PLA2G4E: variants seen among roughly 807,000 people sequenced by gnomAD.
PLA2G4E encodes cytosolic phospholipase A2 epsilon.
Under a neutral mutation model 109.1 loss-of-function variants are expected in PLA2G4E, and 84 were observed. The ratio of observed to expected loss-of-function variants is 0.77; its 90% confidence interval spans 0.65 to 0.92. The LOEUF (loss-of-function observed/expected upper bound fraction) is 0.92, where lower values mean the gene tolerates loss of function less well. Among genes scored for constraint, PLA2G4E ranks in the 40% least tolerant of loss-of-function variants. The pLI is 0.00. For missense variants in PLA2G4E, 1,057 were observed against 1,076.6 expected, an observed-to-expected ratio of 0.98 and a Z score of 0.25; for synonymous variants, 469 against 436.1, an observed-to-expected ratio of 1.08 and a Z score of -0.94.
chr15:42,035,046 C>T (rs1006673173), intron 1 of PLA2G4E, among the ~76,000 whole-genome samples: 3 of 152,166 alleles, frequency 2.0e-5, no homozygotes, highest in African/African-American at 7.2e-5. Flanking sequence ...TTTCACTGTC[C>T]CCTGAACTGA....
intron 1 of PLA2G4E, among the ~76,000 whole-genome samples, chr15:42,049,733 G>A (rs1157695419): frequency 2.6e-5 from 4 of 152,152 alleles, no homozygotes; most frequent in Non-Finnish European, 5.9e-5. Context: ...CTGGCAGGAG[G>A]AAGCGAGGCT....
At chr15:42,044,352 T>G (rs1038940054) in intron 1 of PLA2G4E, among the ~76,000 whole-genome samples, 1 of 151,872 alleles carries the variant, frequency 6.6e-6, no homozygotes, top group Admixed American at 6.6e-5. Context: ...TCCCCCAGGC[T>G]GAAGGTACAG....
chr15:42,049,009 G>A lies in PLA2G4E; in HGVS notation c.183+1512C>T, dbSNP rs114295295. 1.5e-3 allele frequency among the ~76,000 whole-genome samples: 235 copies of A among 152,318 alleles called. 1 individual carries two copies. Among genetic ancestry groups the A allele is most frequent in the African/African-American group, 5.4e-3 (225 of 41,570 alleles). ...AGCAAGACAGCAGGGGAGACAGCTC[G>A]CCCCAGTTCCCATCCCCCTCCAGCG... On this transcript the variant is annotated intron_variant, in intron 1 of 19. Coordinates refer to ENST00000399518, the Ensembl canonical transcript of PLA2G4E.
At chr15:42,021,471 C>A (rs1285560467) in intron 1 of PLA2G4E, among the ~76,000 whole-genome samples, 1 of 151,524 alleles carries the variant, frequency 6.6e-6, no homozygotes, top group East Asian at 2.0e-4. Flanking sequence ...CTTGGTACCC[C>A]AGGAGCTGTG....
chr15:42,010,014 T>C (rs1401463741), intron 2 of PLA2G4E: 3 of 417,052 alleles, frequency 7.2e-6, no homozygotes, highest in East Asian at 1.3e-4. Flanking sequence ...CAGGTACAGA[T>C]ACATCACTGC....
intron 1 of PLA2G4E, among the ~76,000 whole-genome samples, chr15:42,043,776 T>TCACTTTCCTCATCTGTA (rs1267839081): frequency 1.3e-5 from 2 of 152,170 alleles, no homozygotes; most frequent in African/African-American, 4.8e-5. Flanking sequence ...AACTCACTGT[T>TCACTTTCCTCATCTGTA]CACTTTCCTC....
chr15:42,046,435 C>A (rs1055102693), intron 1 of PLA2G4E, among the ~76,000 whole-genome samples: 8 of 152,204 alleles, frequency 5.3e-5, no homozygotes, highest in African/African-American at 1.9e-4. Context: ...AAAAGGTCAA[C>A]CTTGTGTCCA....
At chr15:41,986,090 G>C in intron 17 of PLA2G4E, 85 bp from the exon 18 acceptor site, 2 of 1,416,122 alleles carry the variant, frequency 1.4e-6, no homozygotes, top group South Asian at 1.3e-5. Flanking sequence ...GGAGCGCCCT[G>C]TCTGGAGCAT....
chr15:42,036,726 C>T (rs1185121085), intron 1 of PLA2G4E, among the ~76,000 whole-genome samples: 1 of 152,198 alleles, frequency 6.6e-6, no homozygotes, highest in Non-Finnish European at 1.5e-5. Context: ...GAGCCCCTGC[C>T]CCAGGCTGCG....
At position 41,988,062 on chromosome 15, in the gene PLA2G4E, T is replaced by G. The variant is rs533347337; in HGVS notation, c.1818A>C (p.Lys606Asn). ...GGGGTCACCCACCGATGTCCTGCAC[T>G]TTCTCCCTTGTCCACCTGTGGAAAA... The change falls in exon 16 of 20, where the codon AAA becomes AAC. Residue 606 changes from lysine to asparagine, a missense_variant. Coordinates refer to ENST00000399518, the Ensembl canonical transcript of PLA2G4E. 2.2e-5 allele frequency: 35 copies of G among 1,603,926 alleles called. No individual in the cohort carries two copies. In the East Asian group the frequency reaches 7.2e-4, roughly 33 times the overall value.
chr15:42,010,670 T>A (rs1416851066), intron 2 of PLA2G4E, among the ~76,000 whole-genome samples: 5 of 152,222 alleles, frequency 3.3e-5, no homozygotes, highest in Admixed American at 2.0e-4. Flanking sequence ...TCTCTATAGA[T>A]GTTCAGAACT....
At chr15:41,991,301 C>G (rs924483129) in intron 13 of PLA2G4E, among the ~76,000 whole-genome samples, 1 of 152,162 alleles carries the variant, frequency 6.6e-6, no homozygotes, top group Admixed American at 6.5e-5. Context: ...TCGGAAGACT[C>G]GGTGCTTCCT....
At chr15:42,022,155 A>C (rs892719305) in intron 1 of PLA2G4E, among the ~76,000 whole-genome samples, 3 of 152,240 alleles carry the variant, frequency 2.0e-5, no homozygotes, top group African/African-American at 7.2e-5. Context: ...CTAAGCTTGA[A>C]GTTGCTGACA....
At chr15:42,026,624 C>T (rs969082203) in intron 1 of PLA2G4E, among the ~76,000 whole-genome samples, 3 of 152,092 alleles carry the variant, frequency 2.0e-5, no homozygotes, top group African/African-American at 4.8e-5. Flanking sequence ...GACACTCTGT[C>T]GTCACTTAGT....
intron 16 of PLA2G4E, 135 bp from the exon 17 acceptor site, chr15:41,987,510 C>T (rs2068162390): frequency 5.2e-6 from 4 of 764,622 alleles, no homozygotes; most frequent in Non-Finnish European, 8.5e-6. Context: ...TTGCTGGGCT[C>T]TCAAGGTCCT....
intron 11 of PLA2G4E, 131 bp downstream of exon 11, chr15:41,996,993 C>A (rs932185925): frequency 1.7e-6 from 2 of 1,187,306 alleles, no homozygotes; most frequent in African/African-American, 1.6e-5. Context: ...CTCACCAGGG[C>A]GCCTGTACCT....
intron 13 of PLA2G4E, 56 bp from the exon 14 acceptor site, chr15:41,990,291 A>G: frequency 6.7e-7 from 1 of 1,496,598 alleles, no homozygotes; most frequent in Non-Finnish European, 9.2e-7. Flanking sequence ...TGAGGGAGGC[A>G]GTGCAGAATG....
At chr15:42,027,054 G>C (rs1283883290) in intron 1 of PLA2G4E, among the ~76,000 whole-genome samples, 4 of 152,098 alleles carry the variant, frequency 2.6e-5, no homozygotes, top group African/African-American at 9.7e-5. Context: ...TGTGGAACCA[G>C]CCCATGTGAG....
chr15:42,037,888 A>G (rs747494218), intron 1 of PLA2G4E, among the ~76,000 whole-genome samples: 3 of 152,182 alleles, frequency 2.0e-5, no homozygotes, highest in Non-Finnish European at 4.4e-5. Context: ...GTTTGCTCAC[A>G]CACCCATTGC....
Sources: gnomAD v4.1 joint callset for allele counts (sites outside exome capture counted in the v4.1 genomes callset) on GRCh38, gnomAD v4.1.1 for gene constraint, MANE v1.5 for transcripts, NCBI Gene and HGNC (gene_info 2026-07-23, HGNC 2026-07-21) for gene names.